ZNF423: variants seen among roughly 807,000 people sequenced by gnomAD.
ZNF423 encodes Ebf-associated zinc finger protein.
ZNF423 carries 12 observed loss-of-function variants against 95.8 expected under a neutral mutation model. The observed-to-expected ratio is 0.13, with a 90% CI of 0.08 to 0.20. The LOEUF (loss-of-function observed/expected upper bound fraction) is 0.20. ZNF423 is among the 10% of genes least tolerant of loss of function. The pLI is 1.00. For synonymous variants in ZNF423, 749 were observed against 711.9 expected, an observed-to-expected ratio of 1.05 and a Z score of -0.83; for missense variants, 1,316 against 1,737.1, an observed-to-expected ratio of 0.76 and a Z score of 4.31.
At chr16:49,545,944 T>C (rs1049234243) in intron 5 of ZNF423, among the ~76,000 whole-genome samples, 1 of 152,236 alleles carries the variant, frequency 6.6e-6, no homozygotes, top group Admixed American at 6.5e-5. Context: ...ACCACAGAGC[T>C]GTGCTCTTAA....
intron 6 of ZNF423, 43 bp downstream of exon 6, chr16:49,525,320 T>C (rs2151708585): frequency 6.2e-7 from 1 of 1,608,590 alleles, no homozygotes; most frequent in East Asian, 2.2e-5. Context: ...AGGGCTCCTG[T>C]GTTCATCTCT....
At chr16:49,669,370 A>G in intron 3 of ZNF423, among the ~76,000 whole-genome samples, 1 of 152,078 alleles carries the variant, frequency 6.6e-6, no homozygotes, top group East Asian at 1.9e-4. Flanking sequence ...GAAAAGAAAA[A>G]AAAATCCATC....
At chr16:49,545,917 A>G (rs190200119) in intron 5 of ZNF423, among the ~76,000 whole-genome samples, 5 of 152,338 alleles carry the variant, frequency 3.3e-5, no homozygotes, top group African/African-American at 9.6e-5. Context: ...AGTAAGTGAC[A>G]GCGCCCAGGC....
intron 3 of ZNF423, among the ~76,000 whole-genome samples, chr16:49,684,571 G>C (rs1167715934): frequency 2.0e-5 from 3 of 152,158 alleles, no homozygotes; most frequent in Admixed American, 6.5e-5. Context: ...GTCTGCTTTG[G>C]GCTGAAGATG....
chr16:49,566,222 C>T (rs899161797), intron 5 of ZNF423, among the ~76,000 whole-genome samples: 1 of 152,182 alleles, frequency 6.6e-6, no homozygotes, highest in Non-Finnish European at 1.5e-5. Context: ...CTCTGCTGCC[C>T]AGTGGGGAGA....
Position 49,525,352 on chromosome 16 carries a change from G to A in ZNF423, c.3733+11C>T, listed in dbSNP as rs367955339. On this transcript the variant is annotated intron_variant, in intron 6 of 7. Coordinates refer to ENST00000563137, the MANE Select transcript of ZNF423 (RefSeq NM_001379286.1). ...CTCTCTCCCCTGAGGGGCACAAGCT[G>A]GGTACCTTACCTGTGAAACACACGG... 4 of 1,613,784 alleles carry A rather than the reference G, an allele frequency of 2.5e-6. No individual in the cohort carries two copies. In the African/African-American group the frequency reaches 5.3e-5, roughly 22 times the overall value.
intron 1 of ZNF423, among the ~76,000 whole-genome samples, chr16:49,851,433 C>T (rs1347228024): frequency 1.3e-5 from 2 of 152,218 alleles, no homozygotes; most frequent in Admixed American, 6.5e-5. Context: ...GGGAAGAATT[C>T]CACAGCCACT....
intron 1 of ZNF423, among the ~76,000 whole-genome samples, chr16:49,805,555 ACTGG>A (rs2034649344): frequency 6.6e-6 from 1 of 152,196 alleles, no homozygotes; most frequent in South Asian, 2.1e-4. Context: ...ACAGTAATTA[ACTGG>A]CCAAACTTCC....
intron 1 of ZNF423, among the ~76,000 whole-genome samples, chr16:49,818,184 C>T (rs1178250246): frequency 6.6e-6 from 1 of 152,092 alleles, no homozygotes; most frequent in Non-Finnish European, 1.5e-5. Context: ...CAGAATGGAT[C>T]GCATGATAGC....
chr16:49,616,734 C>A (rs1971888385), intron 5 of ZNF423, among the ~76,000 whole-genome samples: 1 of 152,162 alleles, frequency 6.6e-6, no homozygotes. Context: ...CCCTTGGAGT[C>A]TTGACAAGGC....
chr16:49,811,896 G>A (rs953388953), intron 1 of ZNF423, among the ~76,000 whole-genome samples: 2 of 152,164 alleles, frequency 1.3e-5, no homozygotes, highest in Non-Finnish European at 2.9e-5. Context: ...AAGAGATTCC[G>A]TTCCCCATGC....
intron 2 of ZNF423, among the ~76,000 whole-genome samples, chr16:49,735,603 T>A (rs1018308941): frequency 6.6e-6 from 1 of 152,190 alleles, no homozygotes; most frequent in Non-Finnish European, 1.5e-5. Context: ...AGAAGTGCTA[T>A]TCTAGACTTC....
rs201213567 is a variant in ZNF423 at position 49,636,645 on chromosome 16, G to A, written c.2531C>T (p.Ala844Val). ...LREKHCVFDA[A>V]TENGTANGVP... ...CCCATTGGCCGTGCCGTTCTCGGTC[G>A]CAGCATCAAACACACAGTGCTTCTC... The change falls in exon 4 of 8, where the codon GCG becomes GTG. Residue 844 changes from alanine (A) to valine (V), a missense_variant. Ala to Val is a moderately conservative substitution (Grantham distance 64, BLOSUM62 0). This residue lies in a region of ZNF423 where 620 missense variants were observed against 775.6 expected (regional missense o/e 0.80). Transcript: ENST00000563137. This position sits in a 1 kb window ranked among gnomAD's most constrained non-coding sequence, Gnocchi z 8.6. 704 of 1,613,894 alleles carry A rather than the reference G, an allele frequency of 4.4e-4. No individual in the cohort carries two copies. The highest frequency in any genetic ancestry group is 5.7e-4 in the Non-Finnish European group (670 of 1,180,002).
At chr16:49,540,738 C>A (rs529737562) in intron 5 of ZNF423, among the ~76,000 whole-genome samples, 2 of 152,156 alleles carry the variant, frequency 1.3e-5, no homozygotes, top group East Asian at 3.9e-4. Context: ...CTGTTGAATC[C>A]CACTTCCAAA....
intron 1 of ZNF423, chr16:49,846,881 T>G (rs1040448741): frequency 6.6e-6 from 1 of 151,924 alleles, no homozygotes; most frequent in Admixed American, 6.6e-5. Flanking sequence ...GCCAAGGAGG[T>G]CCCCCTGCCC....
intron 5 of ZNF423, among the ~76,000 whole-genome samples, chr16:49,620,778 C>T (rs1178670963): frequency 6.6e-6 from 1 of 152,186 alleles, no homozygotes; most frequent in Admixed American, 6.5e-5. Flanking sequence ...TTCTCAGACC[C>T]CTTATCCAGC....
At chr16:49,663,089 G>A (rs753619103) in intron 3 of ZNF423, among the ~76,000 whole-genome samples, 19 of 152,044 alleles carry the variant, frequency 1.2e-4, no homozygotes, top group African/African-American at 4.6e-4. Context: ...GAGTCCTCCC[G>A]AGTCTGCAGC....
At chr16:49,799,954 T>A (rs1456615782) in intron 1 of ZNF423, among the ~76,000 whole-genome samples, 1 of 152,170 alleles carries the variant, frequency 6.6e-6, no homozygotes, top group Non-Finnish European at 1.5e-5. Context: ...TACTCCTGGT[T>A]AATTGTTATA....
chr16:49,695,138 C>T (rs2031920043), intron 3 of ZNF423, among the ~76,000 whole-genome samples: 2 of 152,192 alleles, frequency 1.3e-5, no homozygotes, highest in African/African-American at 4.8e-5. Flanking sequence ...GTTTCTGAGA[C>T]ATAGTCTCAC....
Sources: allele counts gnomAD v4.1 joint callset (sites outside exome capture counted in the v4.1 genomes callset), GRCh38; gene constraint gnomAD v4.1.1; regional missense constraint gnomAD v4.1.1; non-coding constraint Gnocchi (gnomAD v3.1); transcripts MANE v1.5; gene names NCBI Gene and HGNC (gene_info 2026-07-23, HGNC 2026-07-21).